Variants in RORA observed in about 807,000 individuals in gnomAD.
RORA encodes the protein nuclear receptor ROR-alpha.
Under a neutral mutation model 69.5 loss-of-function variants are expected in RORA, and 7 were observed. That is an observed-to-expected ratio of 0.10 (90% confidence interval 0.06 to 0.19). The LOEUF (loss-of-function observed/expected upper bound fraction) is 0.19. Ranked by LOEUF, RORA falls within the 10% of genes least tolerant of loss-of-function variation. RORA has a pLI of 1.00. For missense variants in RORA, 457 were observed against 663.0 expected, an observed-to-expected ratio of 0.69 and a Z score of 3.41; for synonymous variants, 261 against 240.8, an observed-to-expected ratio of 1.08 and a Z score of -0.78.
intron 1 of RORA, among the ~76,000 whole-genome samples, chr15:61,043,814 G>T (rs933595341): frequency 6.6e-6 from 1 of 152,012 alleles, no homozygotes; most frequent in Non-Finnish European, 1.5e-5. Flanking sequence ...CCTCTAACCT[G>T]GTCCCTTTGC....
chr15:60,637,275 G>A (rs1182469575), intron 2 of RORA, among the ~76,000 whole-genome samples: 1 of 151,958 alleles, frequency 6.6e-6, no homozygotes, highest in African/African-American at 2.4e-5. Flanking sequence ...TGTATTTACT[G>A]GTAAGGCTGA....
In RORA at chr15:60,494,869, A is replaced by T. The variant is rs1350635133; in HGVS notation, c.*2586T>A. 3 of 152,224 alleles carry T rather than the reference A, an allele frequency of 2.0e-5. No homozygotes were observed. Among genetic ancestry groups the T allele is most frequent in the African/African-American group, 7.2e-5 (3 of 41,460 alleles). 9.4% of individuals were successfully genotyped at this position (152,224 alleles called of 1,614,324 possible). On this transcript the variant is annotated 3_prime_UTR_variant, in exon 11 of 11. Transcript: ENST00000335670. The stretch of plus-strand genomic sequence containing the variant: ...GTACATGCAGAATCCCTTCTGGGAA[A>T]AGGAATTTCTTTTTAAGTTCATCAT...
intron 1 of RORA, among the ~76,000 whole-genome samples, chr15:61,140,815 C>A (rs2079290772): frequency 6.6e-6 from 1 of 152,084 alleles, no homozygotes; most frequent in South Asian, 2.1e-4. Context: ...AACTATTGTA[C>A]CTTCATATTT....
chr15:60,909,973 C>A (rs1161250193), intron 1 of RORA, among the ~76,000 whole-genome samples: 1 of 152,204 alleles, frequency 6.6e-6, no homozygotes, highest in Non-Finnish European at 1.5e-5. Flanking sequence ...CCTGAAAGCC[C>A]TTTGATTCCT....
At position 60,973,149 on chromosome 15, in the gene RORA, C is replaced by T. The variant is rs193036584; in HGVS notation, c.166+255904G>A. Among the ~76,000 whole-genome samples the T allele has an allele frequency of 9.0e-4, 137 of 152,004 alleles. 3 individuals are homozygous for T. The highest frequency in any genetic ancestry group is 3.8e-4 in the Non-Finnish European group (26 of 67,978). ...CCCCATGTATTTTGGTGTGTGGAGA[C>T]GTTGAAAAAAGAGGTAGGGAGGGTC... On this transcript the variant is annotated intron_variant, in intron 1 of 10. Transcript: ENST00000335670.
At chr15:60,971,451 C>T (rs763971021) in intron 1 of RORA, among the ~76,000 whole-genome samples, 2 of 152,256 alleles carry the variant, frequency 1.3e-5, no homozygotes, top group South Asian at 2.1e-4. Flanking sequence ...GCTGGGCACA[C>T]GGAGGATGCG....
rs1361074635 is a variant in RORA at position 60,604,185 on chromosome 15, T to C, written c.197-72334A>G. The stretch of plus-strand genomic sequence containing the variant: ...AACATTAGAAAAATATGGCATTGAA[T>C]AGACTTTAAAAAGGACACCTGTTTA... On this transcript the variant is annotated intron_variant, in intron 2 of 10. Coordinates refer to ENST00000335670, the MANE Select transcript of RORA (RefSeq NM_134261.3). Among the ~76,000 whole-genome samples, 3 of 137,534 alleles carry C rather than the reference T, an allele frequency of 2.2e-5. No individual in the cohort carries two copies. The East Asian group carries it at 6.3e-4, about 29-fold the overall frequency. 90.2% of individuals were successfully genotyped at this position (137,534 alleles called of 152,430 possible). A position where few individuals can be genotyped will look rare whatever the true frequency, so the allele number is the denominator to read the frequency against.
rs2067397839 is a variant in RORA, at chr15:60,557,346, A to G, written c.197-25495T>C. On this transcript the variant is annotated intron_variant, in intron 2 of 10. Transcript: ENST00000335670. ...GAGAGTGAGGCTTTCTGGCACTACG[A>G]GAGGATGTAGAAGATGACACATGTG... is the stretch of plus-strand genomic sequence containing the variant. Among the ~76,000 whole-genome samples the G allele has an allele frequency of 2.0e-5, 3 of 152,196 alleles. No homozygotes were observed. The South Asian group carries it at 6.2e-4, about 32-fold the overall frequency.
intron 1 of RORA, among the ~76,000 whole-genome samples, chr15:60,999,007 G>C (rs911305594): frequency 2.6e-5 from 4 of 152,076 alleles, no homozygotes; most frequent in African/African-American, 9.7e-5. Flanking sequence ...GGGGAGAGGG[G>C]GATCCAGAAC....
intron 1 of RORA, among the ~76,000 whole-genome samples, chr15:60,782,572 A>C (rs2072279470): frequency 6.6e-6 from 1 of 152,216 alleles, no homozygotes; most frequent in African/African-American, 2.4e-5. Flanking sequence ...TATGATATGA[A>C]GTCACTCCAT....
intron 2 of RORA, among the ~76,000 whole-genome samples, chr15:60,578,184 T>A (rs1046289969): frequency 1.3e-5 from 2 of 152,242 alleles, no homozygotes; most frequent in African/African-American, 4.8e-5. Context: ...TTTGAGTGGA[T>A]CATTTACCTA....
chr15:61,117,496 C>G (rs941091982), intron 1 of RORA, among the ~76,000 whole-genome samples: 1 of 152,276 alleles, frequency 6.6e-6, no homozygotes, highest in Non-Finnish European at 1.5e-5. Flanking sequence ...TAAATTCTTT[C>G]CTGCTAAAAA....
intron 1 of RORA, among the ~76,000 whole-genome samples, chr15:61,202,542 A>C (rs2079904598): frequency 6.6e-6 from 1 of 152,150 alleles, no homozygotes; most frequent in Non-Finnish European, 1.5e-5. Context: ...ACTCACCTTC[A>C]TCTACACATA....
chr15:60,564,987 C>G (rs1567091294), intron 2 of RORA, among the ~76,000 whole-genome samples: 1 of 152,104 alleles, frequency 6.6e-6, no homozygotes, highest in Non-Finnish European at 1.5e-5. Flanking sequence ...CCCTTGTGAG[C>G]TCGGTAAATG....
chr15:60,547,020 A>C (rs1426024896), intron 2 of RORA, among the ~76,000 whole-genome samples: 5 of 152,186 alleles, frequency 3.3e-5, no homozygotes, highest in African/African-American at 4.8e-5. Flanking sequence ...ACAGTGGGGT[A>C]ATGTGGATAA....
chr15:60,554,701 G>C (rs1162226680), intron 2 of RORA, among the ~76,000 whole-genome samples: 1 of 152,136 alleles, frequency 6.6e-6, no homozygotes, highest in Non-Finnish European at 1.5e-5. Context: ...AATCTCAGGG[G>C]AGTTCTCAGG....
At chr15:61,161,524 C>T (rs72739578) in intron 1 of RORA, among the ~76,000 whole-genome samples, 10,526 of 152,126 alleles carry the variant, frequency 0.069, 475 homozygotes, top group Non-Finnish European at 0.1. Context: ...ATAATGTATG[C>T]GCATTCACAT....
At chr15:60,981,385 C>G (rs964922894) in intron 1 of RORA, among the ~76,000 whole-genome samples, 1 of 152,066 alleles carries the variant, frequency 6.6e-6, no homozygotes, top group Non-Finnish European at 1.5e-5. Flanking sequence ...ATTATTTCTT[C>G]AAATCATGGT....
At chr15:60,527,584 T>A (rs1407285801) in intron 3 of RORA, among the ~76,000 whole-genome samples, 1 of 152,212 alleles carries the variant, frequency 6.6e-6, no homozygotes, top group Admixed American at 6.5e-5. Context: ...AGCTCAGAAA[T>A]GTCTGTATGA....
Sources: allele counts gnomAD v4.1 joint callset (sites outside exome capture counted in the v4.1 genomes callset), GRCh38; gene constraint gnomAD v4.1.1; transcripts MANE v1.5; gene names NCBI Gene and HGNC (gene_info 2026-07-23, HGNC 2026-07-21).